TRIM5: variants seen among roughly 807,000 people sequenced by gnomAD.
The protein encoded by TRIM5 is tripartite motif containing 5, also known as tripartite motif-containing protein 5.
A neutral mutation model predicts 35.6 loss-of-function variants in TRIM5; 31 were observed. The observed-to-expected ratio is 0.87, with a 90% CI of 0.65 to 1.18. The LOEUF (loss-of-function observed/expected upper bound fraction) is 1.18. Among genes scored for constraint, TRIM5 ranks in the 50% most tolerant of loss-of-function variants. TRIM5 has a pLI of 0.00. For synonymous variants in TRIM5, 243 were observed against 215.6 expected (o/e 1.13, Z -1.11); for missense variants, 609 against 591.6 (o/e 1.03, Z -0.31).
intron 4 of TRIM5, among the ~76,000 whole-genome samples, chr11:5,668,974 C>T (rs1457265318): frequency 6.6e-6 from 1 of 151,912 alleles, no homozygotes; most frequent in African/African-American, 2.4e-5. Flanking sequence ...TGTCTTCTCT[C>T]TTATACCACA....
At chr11:5,620,696 G>A in the TRIM5 span, among the ~76,000 whole-genome samples, 8 of 152,054 alleles carry the variant, frequency 5.3e-5, no homozygotes, top group African/African-American at 1.4e-4. Context: ...CGGTGGGAGG[G>A]GCAGAAGTAC....
chr11:5,590,261 C>T, the TRIM5 span: 334 of 163,670 alleles, frequency 2.0e-3, no homozygotes, highest in African/African-American at 6.9e-3. Context: ...CTGAGGAGTG[C>T]GGGTGCATGG....
chr11:5,678,532 G>A (rs1852171930), intron 3 of TRIM5, 98 bp from the exon 4 acceptor site: 2 of 938,662 alleles, frequency 2.1e-6, no homozygotes, highest in East Asian at 5.1e-5. Flanking sequence ...CTCACAAGGA[G>A]GGGACATAGT....
chr11:5,655,727 C>G, the TRIM5 span: 1 of 982,338 alleles, frequency 1.0e-6, no homozygotes, highest in Non-Finnish European at 1.2e-6. Flanking sequence ...AGATAGATAA[C>G]CGGGCACAAA....
the TRIM5 span, among the ~76,000 whole-genome samples, chr11:5,628,211 G>C: frequency 6.6e-6 from 1 of 152,364 alleles, no homozygotes; most frequent in Middle Eastern, 3.4e-3. Context: ...TGAAGTCACA[G>C]CCCGTGGCAG....
chr11:5,613,329 C>T, the TRIM5 span, among the ~76,000 whole-genome samples: 1 of 152,238 alleles, frequency 6.6e-6, no homozygotes, highest in Admixed American at 6.5e-5. Flanking sequence ...GCACTTGAAG[C>T]TCCTTCATGG....
chr11:5,642,871 T>C, the TRIM5 span: 1 of 1,613,590 alleles, frequency 6.2e-7, no homozygotes, highest in South Asian at 1.1e-5. Context: ...TTTAAATAAC[T>C]GTTTTCCAAT....
At chr11:5,679,293 C>CA (rs1374196728) in intron 2 of TRIM5, 124 bp from the exon 3 acceptor site, 8 of 801,858 alleles carry the variant, frequency 1.0e-5, no homozygotes, top group Non-Finnish European at 1.6e-5. Flanking sequence ...GTGAGAATGG[C>CA]AATGAGAATC....
At chr11:5,603,434 C>T in the TRIM5 span, 1 of 1,614,076 alleles carries the variant, frequency 6.2e-7, no homozygotes, top group Non-Finnish European at 8.5e-7. Context: ...TGCATCACAC[C>T]AAATGGCAGG....
chr11:5,603,392 G>T, the TRIM5 span: 1,020 of 1,613,978 alleles, frequency 6.3e-4, 1 homozygote, highest in Non-Finnish European at 8.2e-4. Flanking sequence ...GAACCCCTGA[G>T]CATAGACTGT....
In TRIM5 at chr11:5,663,736, TCC is replaced by T; in HGVS notation, c.*1071_*1072del. On this transcript the variant is annotated 3_prime_UTR_variant, in exon 8 of 8. Transcript: ENST00000380034. Reference sequence around the variant, plus strand: ...TAACCGAACCAGGGTAATTAGCATATCCATCACCTCAAATATGTGTCATTTCT... The same window carrying T: ...TAACCGAACCAGGGTAATTAGCATATATCACCTCAAATATGTGTCATTTCT... 4.0e-6 allele frequency: 1 copy of T among 248,904 alleles called. No individual in the cohort carries two copies. Among genetic ancestry groups the T allele is most frequent in the Non-Finnish European group, 6.4e-6 (1 of 156,484 alleles). 15.4% of individuals were successfully genotyped at this position (248,904 alleles called of 1,614,324 possible). A position where few individuals can be genotyped will look rare whatever the true frequency, so the allele number is the denominator to read the frequency against.
the TRIM5 span, chr11:5,642,772 C>T: frequency 1.2e-6 from 2 of 1,612,758 alleles, no homozygotes; most frequent in East Asian, 2.2e-5. Context: ...TCAGTGCTTA[C>T]TCCTTTGTTT....
chr11:5,598,226 G>T, the TRIM5 span, among the ~76,000 whole-genome samples: 1 of 152,172 alleles, frequency 6.6e-6, no homozygotes, highest in African/African-American at 2.4e-5. Context: ...TCTCCCTTGG[G>T]CTGCACTTAG....
the TRIM5 span, chr11:5,643,125 A>ATATTT: frequency 1.0e-3 from 1,007 of 974,412 alleles, 2 homozygotes; most frequent in African/African-American, 3.3e-3. Context: ...ATATATATAT[A>ATATTT]TTTTTTTTTT....
the TRIM5 span, among the ~76,000 whole-genome samples, chr11:5,634,261 C>A: frequency 6.6e-6 from 1 of 151,942 alleles, no homozygotes; most frequent in Non-Finnish European, 1.5e-5. Flanking sequence ...TCATGAATAT[C>A]CAGGAAAGCT....
In TRIM5 at chr11:5,664,258, A is replaced by G. The variant is rs1038884443; in HGVS notation, c.*551T>C. On this transcript the variant is annotated 3_prime_UTR_variant, in exon 8 of 8. Transcript: ENST00000380034. ...AGGAAATAAGCACAGCCATTTAAGT[A>G]TGTTATTCACAGTTACACTGCTGGT... The G allele has an allele frequency of 2.0e-6, 2 of 984,850 alleles. No individual in the cohort carries two copies. Among genetic ancestry groups the G allele is most frequent in the African/African-American group, 3.5e-5 (2 of 57,314 alleles). 61.0% of individuals were successfully genotyped at this position (984,850 alleles called of 1,614,324 possible).
the TRIM5 span, among the ~76,000 whole-genome samples, chr11:5,650,568 G>C: frequency 1.3e-5 from 2 of 152,204 alleles, no homozygotes; most frequent in Non-Finnish European, 2.9e-5. Context: ...GGTGAGAGTA[G>C]ATAGTGCAGC....
At chr11:5,623,889 T>G in the TRIM5 span, among the ~76,000 whole-genome samples, 1 of 152,192 alleles carries the variant, frequency 6.6e-6, no homozygotes, top group Non-Finnish European at 1.5e-5. Context: ...AATTGTACCT[T>G]GTCAGGTGGT....
At chr11:5,669,541 A>G (rs980164706) in intron 4 of TRIM5, among the ~76,000 whole-genome samples, 2 of 152,228 alleles carry the variant, frequency 1.3e-5, no homozygotes, top group Non-Finnish European at 2.9e-5. Flanking sequence ...CAATAGCTGG[A>G]TCTACACATA....
Sources: gnomAD v4.1 joint callset for allele counts (sites outside exome capture counted in the v4.1 genomes callset) on GRCh38, gnomAD v4.1.1 for gene constraint, MANE v1.5 for transcripts, NCBI Gene and HGNC (gene_info 2026-07-23, HGNC 2026-07-21) for gene names.